The following ZFHX3 variants were observed in gnomAD, a reference collection of about 807,000 sequenced individuals.
ZFHX3 encodes zinc finger homeobox 3, also known as zinc finger homeobox protein 3.
Under a neutral mutation model 279.1 loss-of-function variants are expected in ZFHX3, and 42 were observed. The ratio of observed to expected loss-of-function variants is 0.15; its 90% confidence interval spans 0.12 to 0.19. ZFHX3 has a LOEUF of 0.19. Among genes scored for constraint, ZFHX3 ranks in the 10% least tolerant of loss-of-function variants. The pLI, the probability that ZFHX3 is intolerant of heterozygous loss-of-function variation, is 1.00. For synonymous variants in ZFHX3, 2,293 were observed against 1,957.8 expected, an observed-to-expected ratio of 1.17 and a Z score of -4.52; for missense variants, 4,981 against 4,754.0, an observed-to-expected ratio of 1.05 and a Z score of -1.40.
rs752219717 is a variant in ZFHX3, at chr16:72,788,202, G to A, written c.10074C>T (p.Gly3358=). Residue 3358 remains glycine, a synonymous_variant, in exon 10 of 10, where the codon GGC becomes GGT. Coordinates refer to ENST00000268489, the MANE Select transcript of ZFHX3 (RefSeq NM_006885.4). ...ATTGCTGGTACTGCTGCAGTAGGGAGCCTGGGGACAGCCCCATCAGGGCCT... is the reference window on the plus strand; with the variant it reads ...ATTGCTGGTACTGCTGCAGTAGGGAACCTGGGGACAGCCCCATCAGGGCCT... ...LSQALMGLSP[G]SLLQQYQQYQ... The A allele has an allele frequency of 6.2e-7, 1 of 1,612,764 alleles. No individual in the cohort carries two copies. Among genetic ancestry groups the A allele is most frequent in the Non-Finnish European group, 8.5e-7 (1 of 1,179,150 alleles).
intron 2 of ZFHX3, among the ~76,000 whole-genome samples, chr16:73,463,553 C>A (rs1385113493): frequency 6.6e-6 from 1 of 152,202 alleles, no homozygotes; most frequent in Admixed American, 6.5e-5. Context: ...TACCCTCCTG[C>A]CGTTTCCCTT....
At chr16:73,319,633 A>G (rs1323338138) in intron 3 of ZFHX3, among the ~76,000 whole-genome samples, 1 of 151,862 alleles carries the variant, frequency 6.6e-6, no homozygotes, top group East Asian at 1.9e-4. Context: ...AAGGCATGGC[A>G]GAGAGTGGGG....
intron 2 of ZFHX3, among the ~76,000 whole-genome samples, chr16:73,579,873 T>TATACACAC (rs879701579): frequency 1.4e-5 from 2 of 145,428 alleles, no homozygotes; most frequent in African/African-American, 5.1e-5. Context: ...TATATATATA[T>TATACACAC]ACATACACAC....
intron 3 of ZFHX3, among the ~76,000 whole-genome samples, chr16:73,406,375 T>C (rs1451652196): frequency 6.6e-6 from 1 of 152,210 alleles, no homozygotes; most frequent in Non-Finnish European, 1.5e-5. Context: ...AGAGTTACAG[T>C]CGAGGCAGGA....
intron 3 of ZFHX3, among the ~76,000 whole-genome samples, chr16:72,936,500 G>A (rs1960133462): frequency 6.6e-6 from 1 of 152,148 alleles, no homozygotes; most frequent in Non-Finnish European, 1.5e-5. Context: ...TGGGTTGTCA[G>A]GGAAAGCCTC....
At chr16:72,987,139 C>A (rs1382165160) in intron 1 of ZFHX3, among the ~76,000 whole-genome samples, 1 of 152,120 alleles carries the variant, frequency 6.6e-6, no homozygotes, top group Non-Finnish European at 1.5e-5. Flanking sequence ...CCAGCCTGGG[C>A]AACAAAGTGA....
intron 8 of ZFHX3, among the ~76,000 whole-genome samples, chr16:73,083,913 G>C (rs2144768775): frequency 6.6e-6 from 1 of 152,248 alleles, no homozygotes; most frequent in Non-Finnish European, 1.5e-5. Flanking sequence ...ACAGCCCCAG[G>C]GTGACACACC....
intron 7 of ZFHX3, chr16:73,127,187 G>A (rs1210417358): frequency 6.9e-6 from 3 of 433,816 alleles, no homozygotes; most frequent in Non-Finnish European, 7.8e-6. Context: ...AGAAGGGTCT[G>A]ATCGATGCAA....
intron 1 of ZFHX3, among the ~76,000 whole-genome samples, chr16:73,750,412 G>A (rs1489117333): frequency 6.6e-6 from 1 of 152,174 alleles, no homozygotes; most frequent in Non-Finnish European, 1.5e-5. Context: ...AATCGCATTT[G>A]CAGATGACAC....
rs1331500218 is a variant in ZFHX3 at position 73,595,467 on chromosome 16, C to G, written c.-1547+84713G>C. Among the ~76,000 whole-genome samples, 7 of 152,122 alleles carry G rather than the reference C, an allele frequency of 4.6e-5. No homozygotes were observed. In the South Asian group the frequency reaches 1.0e-3, roughly 23 times the overall value. ...TGGCTTCCATGACTCCTTTTTTTCT[C>G]GTTTTTACCTTACTTCTTTGGCCAC... On this transcript the variant is annotated intron_variant, in intron 2 of 17. Coordinates refer to the ZFHX3 transcript ENST00000641206.
chr16:73,831,538 G>A (rs937867341), intron 1 of ZFHX3, among the ~76,000 whole-genome samples: 1 of 152,204 alleles, frequency 6.6e-6, no homozygotes, highest in Non-Finnish European at 1.5e-5. Context: ...ACATTCACGG[G>A]AATGGCTTTC....
At chr16:73,080,524 T>G (rs2144765042) in intron 8 of ZFHX3, among the ~76,000 whole-genome samples, 1 of 152,294 alleles carries the variant, frequency 6.6e-6, no homozygotes, top group African/African-American at 2.4e-5. Context: ...TCTGACAATC[T>G]GGGGTAGCAC....
chr16:73,623,397 TCTTAAA>T (rs1251196682), intron 2 of ZFHX3, among the ~76,000 whole-genome samples: 9 of 152,076 alleles, frequency 5.9e-5, no homozygotes, highest in East Asian at 1.9e-4. Flanking sequence ...AAACTGTGAA[TCTTAAA>T]CTTAAAGACT....
intron 1 of ZFHX3, among the ~76,000 whole-genome samples, chr16:73,040,151 A>C (rs902952406): frequency 6.6e-6 from 1 of 152,102 alleles, no homozygotes; most frequent in African/African-American, 2.4e-5. Flanking sequence ...TGGGGGAGTC[A>C]CTGGCATGCC....
chr16:73,293,473 C>G (rs1176471698), intron 4 of ZFHX3, among the ~76,000 whole-genome samples: 1 of 152,112 alleles, frequency 6.6e-6, no homozygotes, highest in Admixed American at 6.5e-5. Flanking sequence ...GATTTTGGTG[C>G]CTGTAATGTC....
intron 1 of ZFHX3, among the ~76,000 whole-genome samples, chr16:72,974,438 GT>G (rs1320138422): frequency 6.6e-6 from 1 of 152,200 alleles, no homozygotes; most frequent in African/African-American, 2.4e-5. Flanking sequence ...CAAGGAGTGT[GT>G]TTTCCTCTCG....
intron 8 of ZFHX3, among the ~76,000 whole-genome samples, chr16:73,086,080 G>A (rs1483963115): frequency 1.3e-5 from 2 of 151,252 alleles, no homozygotes; most frequent in African/African-American, 2.4e-5. Context: ...ATGACAAATG[G>A]CCAACAAGTA....
At chr16:73,394,632 A>T (rs17311557) in intron 3 of ZFHX3, among the ~76,000 whole-genome samples, 5,718 of 152,290 alleles carry the variant, frequency 0.038, 159 homozygotes, top group Non-Finnish European at 0.062. Context: ...TTACATGAAC[A>T]GAGACAGAAG....
intron 1 of ZFHX3, among the ~76,000 whole-genome samples, chr16:72,975,443 A>AC (rs1056397804): frequency 6.6e-6 from 1 of 152,166 alleles, no homozygotes; most frequent in Non-Finnish European, 1.5e-5. Context: ...TCTGTCTCAA[A>AC]CAAAATAAAA....
Sources: gnomAD v4.1 joint callset for allele counts (sites outside exome capture counted in the v4.1 genomes callset) on GRCh38, gnomAD v4.1.1 for gene constraint, MANE v1.5 for transcripts, NCBI Gene and HGNC (gene_info 2026-07-23, HGNC 2026-07-21) for gene names.